The following RGS6 variants were observed in gnomAD, a reference collection of about 807,000 sequenced individuals.
The protein encoded by RGS6 is regulator of G protein signaling 6.
Under a neutral mutation model 78.5 loss-of-function variants are expected in RGS6, and 30 were observed. That is an observed-to-expected ratio of 0.38 (90% confidence interval 0.29 to 0.52). The LOEUF (loss-of-function observed/expected upper bound fraction) is 0.52, where lower values mean the gene tolerates loss of function less well. Among genes scored for constraint, RGS6 ranks in the 20% least tolerant of loss-of-function variants. The probability of loss-of-function intolerance (pLI) is 0.85; values close to 1 mark genes in which losing one functional copy is unlikely to be tolerated. For synonymous variants in RGS6, 206 were observed against 206.0 expected, an observed-to-expected ratio of 1.00 and a Z score of 0.00; for missense variants, 495 against 609.7, an observed-to-expected ratio of 0.81 and a Z score of 1.98.
the RGS6 span, among the ~76,000 whole-genome samples, chr14:71,870,243 A>G: frequency 1.3e-5 from 2 of 152,134 alleles, no homozygotes; most frequent in Non-Finnish European, 2.9e-5. Flanking sequence ...CTCCTTTGCA[A>G]TTTGGCTAAA....
intron 2 of RGS6, among the ~76,000 whole-genome samples, chr14:72,346,022 A>G (rs900737073): frequency 4.6e-5 from 7 of 152,152 alleles, no homozygotes; most frequent in Non-Finnish European, 1.5e-5. Flanking sequence ...CTTTGCAGAC[A>G]CCAAAACAGA....
At chr14:72,058,506 G>A (rs1386116041) in intron 2 of RGS6, among the ~76,000 whole-genome samples, 1 of 151,006 alleles carries the variant, frequency 6.6e-6, no homozygotes, top group African/African-American at 2.4e-5. Flanking sequence ...GTATATAAAG[G>A]GTTTTTTTTT....
chr14:72,252,529 A>T (rs1405985151), intron 2 of RGS6, among the ~76,000 whole-genome samples: 1 of 152,198 alleles, frequency 6.6e-6, no homozygotes, highest in African/African-American at 2.4e-5. Context: ...GTCTGCTCCC[A>T]TCTCCCTGTT....
chr14:72,439,443 G>C (rs1322605234), intron 3 of RGS6, among the ~76,000 whole-genome samples: 1 of 152,248 alleles, frequency 6.6e-6, no homozygotes, highest in Admixed American at 6.5e-5. Context: ...TGAGGCCTTT[G>C]TGAGCTCTAG....
At chr14:72,459,741 G>A (rs1425256658) in intron 6 of RGS6, 58 bp downstream of exon 6, 2 of 1,552,500 alleles carry the variant, frequency 1.3e-6, no homozygotes, top group Non-Finnish European at 1.8e-6. Flanking sequence ...ACTTCTGGGG[G>A]TGCAGAAGAC....
At chr14:72,461,499 A>G (rs536992339) in intron 6 of RGS6, among the ~76,000 whole-genome samples, 201 of 152,294 alleles carry the variant, frequency 1.3e-3, no homozygotes, top group African/African-American at 4.7e-3. Context: ...TTTATGGCAA[A>G]TCAGAGGGAG....
intron 2 of RGS6, among the ~76,000 whole-genome samples, chr14:72,196,398 G>A (rs1027209346): frequency 2.6e-5 from 4 of 152,184 alleles, no homozygotes; most frequent in Non-Finnish European, 5.9e-5. Flanking sequence ...GGCTGAGAAT[G>A]CTACTGTCTG....
chr14:72,113,156 G>T (rs1217208842), intron 2 of RGS6, among the ~76,000 whole-genome samples: 17 of 152,182 alleles, frequency 1.1e-4, no homozygotes, highest in Non-Finnish European at 1.3e-4. Flanking sequence ...AGTAGCTGGG[G>T]CAAGCCCCCC....
chr14:72,343,341 A>G (rs988950636), intron 2 of RGS6, among the ~76,000 whole-genome samples: 1 of 152,178 alleles, frequency 6.6e-6, no homozygotes, highest in Admixed American at 6.5e-5. Context: ...CAAAATCAGT[A>G]AAGTCCCATC....
chr14:72,340,826 T>C (rs2076854246), intron 2 of RGS6, among the ~76,000 whole-genome samples: 1 of 152,172 alleles, frequency 6.6e-6, no homozygotes. Context: ...TTCTGTCCCA[T>C]GCAGAGCAGA....
intron 2 of RGS6, among the ~76,000 whole-genome samples, chr14:72,272,436 A>G (rs2060085106): frequency 6.6e-6 from 1 of 152,234 alleles, no homozygotes; most frequent in Non-Finnish European, 1.5e-5. Context: ...GGGCCTCTGT[A>G]AAAAATCAAG....
chr14:72,511,040 G>A (rs7161290), intron 14 of RGS6, among the ~76,000 whole-genome samples: 24,307 of 152,180 alleles, frequency 0.16, 2,052 homozygotes, highest in African/African-American at 0.21. Context: ...GAAAAATTTG[G>A]GAACTTGTTT....
At chr14:72,353,379 A>G (rs2079521893) in intron 3 of RGS6, among the ~76,000 whole-genome samples, 1 of 152,218 alleles carries the variant, frequency 6.6e-6, no homozygotes, top group African/African-American at 2.4e-5. Flanking sequence ...TCTCTCCACA[A>G]TCAGCAACAA....
chr14:72,191,277 C>A (rs1267097366), intron 2 of RGS6, among the ~76,000 whole-genome samples: 1 of 152,046 alleles, frequency 6.6e-6, no homozygotes, highest in Non-Finnish European at 1.5e-5. Context: ...AACTTTCGTC[C>A]ACACCTGCGT....
intron 2 of RGS6, among the ~76,000 whole-genome samples, chr14:72,112,327 G>A (rs553006385): frequency 1.3e-5 from 2 of 152,052 alleles, no homozygotes; most frequent in Non-Finnish European, 2.9e-5. Flanking sequence ...GTTTTGATGC[G>A]TGCTCCCCAT....
intron 2 of RGS6, among the ~76,000 whole-genome samples, chr14:72,273,698 A>C (rs990630069): frequency 3.3e-5 from 5 of 152,208 alleles, no homozygotes; most frequent in Admixed American, 6.5e-5. Context: ...TCTCCCCCAG[A>C]GCAGACTGAA....
chr14:72,540,291 G>A, intron 17 of RGS6, 197 bp downstream of exon 17: 2 of 1,509,196 alleles, frequency 1.3e-6, no homozygotes, highest in Non-Finnish European at 8.8e-7. Context: ...GCAAAAAAGA[G>A]CAAGCGGCTC....
At chr14:72,218,957 C>T (rs1027864704) in intron 2 of RGS6, among the ~76,000 whole-genome samples, 1 of 151,834 alleles carries the variant, frequency 6.6e-6, no homozygotes, top group Non-Finnish European at 1.5e-5. Context: ...AACTCATGGC[C>T]AGCAATATGT....
chr14:72,117,260 G>A (rs931810348), intron 2 of RGS6, among the ~76,000 whole-genome samples: 4 of 152,142 alleles, frequency 2.6e-5, no homozygotes, highest in East Asian at 1.9e-4. Flanking sequence ...GATTCCCAAC[G>A]TTGGAGGTGG....
Sources: allele counts gnomAD v4.1 joint callset (sites outside exome capture counted in the v4.1 genomes callset), GRCh38; gene constraint gnomAD v4.1.1; transcripts MANE v1.5; gene names NCBI Gene and HGNC (gene_info 2026-07-23, HGNC 2026-07-21).